Variants in RPS6KC1 observed in about 807,000 individuals in gnomAD.
RPS6KC1 encodes the protein inactive ribosomal protein S6 kinase delta-1.
A neutral mutation model predicts 103.8 loss-of-function variants in RPS6KC1; 54 were observed. That is an observed-to-expected ratio of 0.52 (90% CI 0.42 to 0.65). The LOEUF (loss-of-function observed/expected upper bound fraction) is 0.65, where lower values mean the gene tolerates loss of function less well. Ranked by LOEUF, RPS6KC1 falls within the 30% of genes least tolerant of loss-of-function variation. RPS6KC1 has a pLI of 0.00. For synonymous variants in RPS6KC1, 439 were observed against 438.7 expected (o/e 1.00, Z -0.01); for missense variants, 1,151 against 1,253.8 (o/e 0.92, Z 1.24).
chr1:213,499,919 C>T, the RPS6KC1 span, among the ~76,000 whole-genome samples: 2 of 152,090 alleles, frequency 1.3e-5, no homozygotes, highest in African/African-American at 4.8e-5. Context: ...ACACACATAC[C>T]ATAAATGGAG....
the RPS6KC1 span, among the ~76,000 whole-genome samples, chr1:213,471,649 G>A: frequency 6.6e-5 from 10 of 152,116 alleles, no homozygotes; most frequent in African/African-American, 2.4e-4. Flanking sequence ...GGGTGGGAAT[G>A]AAGTTGGGTG....
the RPS6KC1 span, among the ~76,000 whole-genome samples, chr1:213,794,095 A>G: frequency 6.6e-6 from 1 of 152,220 alleles, no homozygotes; most frequent in Non-Finnish European, 1.5e-5. Flanking sequence ...AATCTGATAG[A>G]TGGATCTTCT....
At position 213,093,233 on chromosome 1, in the gene RPS6KC1, C is replaced by T. The variant is rs372126861; in HGVS notation, c.263-11221C>T. ...CTTTTTTTTTTTTTTTTTAATGAGG[C>T]GGAGTCTCGCTCTGTCACCCAGGCT... On this transcript the variant is annotated intron_variant, in intron 3 of 14. Coordinates refer to ENST00000366960, the MANE Select transcript of RPS6KC1 (RefSeq NM_012424.6). Among the ~76,000 whole-genome samples the T allele has an allele frequency of 4.8e-5, 7 of 144,522 alleles. No individual in the cohort carries two copies. In the East Asian group the frequency reaches 1.2e-3, roughly 25 times the overall value. 94.8% of individuals were successfully genotyped at this position (144,522 alleles called of 152,430 possible).
chr1:213,797,573 G>A, the RPS6KC1 span, among the ~76,000 whole-genome samples: 5 of 152,144 alleles, frequency 3.3e-5, no homozygotes, highest in Admixed American at 6.5e-5. Flanking sequence ...TCCTCTGCAC[G>A]GGAAGTCCTT....
At chr1:213,202,445 T>TCTA (rs1453144752) in intron 8 of RPS6KC1, among the ~76,000 whole-genome samples, 1 of 152,040 alleles carries the variant, frequency 6.6e-6, no homozygotes, top group African/African-American at 2.4e-5. Flanking sequence ...CAACCCTGTC[T>TCTA]CTACTAAATA....
At chr1:213,855,779 C>T in the RPS6KC1 span, among the ~76,000 whole-genome samples, 10 of 152,262 alleles carry the variant, frequency 6.6e-5, no homozygotes, top group East Asian at 1.9e-3. Flanking sequence ...GGCATGGTGA[C>T]AGACTTGCCA....
At chr1:213,576,372 T>G in the RPS6KC1 span, among the ~76,000 whole-genome samples, 17 of 45,944 alleles carry the variant, frequency 3.7e-4, no homozygotes, top group East Asian at 2.4e-3. Context: ...ATACTGTGGG[T>G]TTTTTTTTTT....
intron 5 of RPS6KC1, among the ~76,000 whole-genome samples, chr1:213,123,324 A>G (rs1445624358): frequency 2.6e-5 from 4 of 152,182 alleles, no homozygotes; most frequent in African/African-American, 9.6e-5. Flanking sequence ...CAAAAAATGA[A>G]GCCAAGTGAT....
At chr1:213,708,347 T>C in the RPS6KC1 span, among the ~76,000 whole-genome samples, 3 of 152,216 alleles carry the variant, frequency 2.0e-5, no homozygotes, top group Non-Finnish European at 4.4e-5. Flanking sequence ...CTTTCTATTA[T>C]TGGTGTATAG....
the RPS6KC1 span, chr1:213,819,410 T>C: frequency 6.6e-6 from 1 of 152,276 alleles, no homozygotes; most frequent in East Asian, 1.9e-4. Context: ...CAAATGAAAA[T>C]TCCAGGGCCA....
the RPS6KC1 span, among the ~76,000 whole-genome samples, chr1:213,424,065 G>A: frequency 6.6e-6 from 1 of 152,326 alleles, no homozygotes; most frequent in African/African-American, 2.4e-5. Context: ...GTCCGGGATT[G>A]TTCTTTTTTA....
At chr1:213,248,008 T>C (rs1183783798) in intron 12 of RPS6KC1, among the ~76,000 whole-genome samples, 1 of 152,168 alleles carries the variant, frequency 6.6e-6, no homozygotes, top group Non-Finnish European at 1.5e-5. Flanking sequence ...GGGGTGAAAG[T>C]TGAATGTCAA....
the RPS6KC1 span, among the ~76,000 whole-genome samples, chr1:213,592,729 TATTA>T: frequency 6.6e-6 from 1 of 152,214 alleles, no homozygotes; most frequent in African/African-American, 2.4e-5. Flanking sequence ...GGATTTTAAA[TATTA>T]ATTAAGAGTT....
At chr1:213,588,493 G>T in the RPS6KC1 span, among the ~76,000 whole-genome samples, 1 of 151,984 alleles carries the variant, frequency 6.6e-6, no homozygotes, top group Non-Finnish European at 1.5e-5. Flanking sequence ...TCGAGACGGG[G>T]TTTCACTATG....
chr1:213,115,254 A>T (rs890752272), intron 4 of RPS6KC1, among the ~76,000 whole-genome samples: 2 of 151,948 alleles, frequency 1.3e-5, no homozygotes, highest in Non-Finnish European at 2.9e-5. Flanking sequence ...CTATTCAGAG[A>T]TTCAACTTCT....
the RPS6KC1 span, among the ~76,000 whole-genome samples, chr1:213,679,897 A>T: frequency 6.6e-6 from 1 of 152,238 alleles, no homozygotes; most frequent in Non-Finnish European, 1.5e-5. Context: ...GCTTAGTTGT[A>T]GATATGCCTC....
the RPS6KC1 span, among the ~76,000 whole-genome samples, chr1:213,626,594 A>G: frequency 2.6e-5 from 4 of 152,144 alleles, no homozygotes; most frequent in African/African-American, 9.7e-5. Flanking sequence ...ATCTTGAATT[A>G]ATTTTTGTAT....
At chr1:213,427,343 G>T in the RPS6KC1 span, among the ~76,000 whole-genome samples, 1 of 152,086 alleles carries the variant, frequency 6.6e-6, no homozygotes, top group Non-Finnish European at 1.5e-5. Flanking sequence ...ATTTTTTGTA[G>T]GTCTCTGTTT....
At chr1:213,669,537 G>A in the RPS6KC1 span, among the ~76,000 whole-genome samples, 2 of 152,094 alleles carry the variant, frequency 1.3e-5, no homozygotes, top group South Asian at 2.1e-4. Context: ...AACATTGTGA[G>A]AATTACCAAA....
Sources: gnomAD v4.1 joint callset for allele counts (sites outside exome capture counted in the v4.1 genomes callset) on GRCh38, gnomAD v4.1.1 for gene constraint, MANE v1.5 for transcripts, NCBI Gene and HGNC (gene_info 2026-07-23, HGNC 2026-07-21) for gene names.